The following NWD2 variants were observed in gnomAD, a reference collection of about 807,000 sequenced individuals.
NWD2 encodes the protein NACHT and WD repeat domain-containing protein 2.
A neutral mutation model predicts 132.7 loss-of-function variants in NWD2; 37 were observed. That is an observed-to-expected ratio of 0.28 (90% CI 0.21 to 0.37). NWD2 has a LOEUF of 0.37. NWD2 is among the 10% of genes least tolerant of loss of function. The pLI is 1.00. For synonymous variants in NWD2, 705 were observed against 803.0 expected (o/e 0.88, Z 2.06); for missense variants, 1,592 against 2,122.4 (o/e 0.75, Z 4.91).
intron 2 of NWD2, among the ~76,000 whole-genome samples, chr4:37,329,739 T>G (rs143726396): frequency 1.3e-5 from 2 of 152,216 alleles, no homozygotes; most frequent in African/African-American, 4.8e-5. Flanking sequence ...TTTATTGAGT[T>G]GGAAGGGAAA....
intron 3 of NWD2, among the ~76,000 whole-genome samples, chr4:37,415,702 TAA>T (rs10684720): frequency 1.1e-4 from 13 of 118,356 alleles, no homozygotes; most frequent in Admixed American, 8.7e-5. Context: ...AGACTCCGTC[TAA>T]AAAAAAAAAA....
chr4:37,267,217 TATC>T (rs1462510301), intron 1 of NWD2, among the ~76,000 whole-genome samples: 6 of 152,080 alleles, frequency 3.9e-5, no homozygotes, highest in African/African-American at 9.7e-5. Flanking sequence ...AATTAAAAAT[TATC>T]ATTGCAGAAT....
At chr4:37,245,298 A>G (rs1717213835) in intron 1 of NWD2, 80 bp downstream of exon 1, 4 of 1,411,540 alleles carry the variant, frequency 2.8e-6, no homozygotes, top group Non-Finnish European at 3.7e-6. Flanking sequence ...TGTCCGCCCC[A>G]CAGCCCGGTG....
At chr4:37,391,664 T>G (rs1720681146) in intron 3 of NWD2, among the ~76,000 whole-genome samples, 1 of 150,768 alleles carries the variant, frequency 6.6e-6, no homozygotes, top group Admixed American at 6.6e-5. Context: ...TTACTAGGAG[T>G]TTTTAGTGAT....
chr4:37,377,135 A>G (rs976251169), intron 3 of NWD2, among the ~76,000 whole-genome samples: 1 of 152,166 alleles, frequency 6.6e-6, no homozygotes, highest in African/African-American at 2.4e-5. Flanking sequence ...GACAGACTCA[A>G]TTATAGGCCA....
intron 1 of NWD2, among the ~76,000 whole-genome samples, chr4:37,315,631 T>G (rs551031083): frequency 2.6e-4 from 39 of 152,232 alleles, no homozygotes; most frequent in Non-Finnish European, 4.0e-4. Flanking sequence ...TGTTTTGTTA[T>G]CTAGCCTGGC....
intron 3 of NWD2, among the ~76,000 whole-genome samples, chr4:37,373,799 C>A (rs920186986): frequency 6.6e-6 from 1 of 152,162 alleles, no homozygotes. Context: ...CTGTATATTA[C>A]AAACATCAAG....
At chr4:37,256,911 G>A (rs1411410855) in intron 1 of NWD2, among the ~76,000 whole-genome samples, 1 of 152,114 alleles carries the variant, frequency 6.6e-6, no homozygotes, top group Non-Finnish European at 1.5e-5. Context: ...GAAATTTGGG[G>A]CTCTCTTATT....
At chr4:37,364,934 G>A (rs1386608260) in intron 3 of NWD2, among the ~76,000 whole-genome samples, 1 of 152,186 alleles carries the variant, frequency 6.6e-6, no homozygotes, top group Non-Finnish European at 1.5e-5. Context: ...TATTCAGCAA[G>A]TTTGTTTTTT....
At chr4:37,313,655 A>G (rs1215306780) in intron 1 of NWD2, among the ~76,000 whole-genome samples, 1 of 150,806 alleles carries the variant, frequency 6.6e-6, no homozygotes, top group Non-Finnish European at 1.5e-5. Flanking sequence ...AAGTTGAGGA[A>G]GTTCGTTTCT....
chr4:37,311,166 GTC>G (rs1431179566), intron 1 of NWD2, among the ~76,000 whole-genome samples: 2 of 152,090 alleles, frequency 1.3e-5, no homozygotes, highest in Non-Finnish European at 2.9e-5. Flanking sequence ...GGATGGCTGG[GTC>G]AAATGGTATT....
At chr4:37,259,975 A>G (rs930541733) in intron 1 of NWD2, among the ~76,000 whole-genome samples, 5 of 152,208 alleles carry the variant, frequency 3.3e-5, no homozygotes, top group African/African-American at 7.2e-5. Context: ...TGTTTGTACT[A>G]TGGTCTGGCT....
chr4:37,283,344 AG>A (rs1718166125), intron 1 of NWD2, among the ~76,000 whole-genome samples: 1 of 152,220 alleles, frequency 6.6e-6, no homozygotes, highest in Non-Finnish European at 1.5e-5. Context: ...AATTTCTGAA[AG>A]ATAGCACTTA....
intron 1 of NWD2, among the ~76,000 whole-genome samples, chr4:37,287,042 T>C (rs1036907605): frequency 3.9e-5 from 6 of 152,182 alleles, no homozygotes; most frequent in Non-Finnish European, 7.3e-5. Flanking sequence ...AATGTGGTAC[T>C]GTGGCCCACC....
Position 37,356,353 on chromosome 4 carries a change from C to T in NWD2, c.241-13C>T. 1 of 1,401,094 alleles carries T rather than the reference C, an allele frequency of 7.1e-7. No individual in the cohort carries two copies. Among genetic ancestry groups the T allele is most frequent in the Non-Finnish European group, 9.7e-7 (1 of 1,027,206 alleles). 86.8% of individuals were successfully genotyped at this position (1,401,094 alleles called of 1,614,324 possible). ...CACATGTAAACTAATGCTCTTCATC[C>T]ATCTGTCCCCAGGTCATAGATCTGT... is the stretch of plus-strand genomic sequence containing the variant. On this transcript the variant is annotated splice_polypyrimidine_tract_variant and intron_variant, in intron 2 of 6. Transcript: ENST00000309447.
intron 1 of NWD2, among the ~76,000 whole-genome samples, chr4:37,258,736 A>G (rs983521886): frequency 6.6e-6 from 1 of 152,130 alleles, no homozygotes; most frequent in Non-Finnish European, 1.5e-5. Context: ...GAAGAAGAGG[A>G]AATATGGGGC....
At chr4:37,407,968 G>A (rs1324344998) in intron 3 of NWD2, among the ~76,000 whole-genome samples, 4 of 152,172 alleles carry the variant, frequency 2.6e-5, no homozygotes, top group African/African-American at 4.8e-5. Context: ...GAAGCCATGA[G>A]GAACTGAGCC....
Position 37,447,609 on chromosome 4 carries a change from G to A in NWD2, c.*392G>A, listed in dbSNP as rs913932756. 5.0e-6 allele frequency: 1 copy of A among 199,502 alleles called. No homozygotes were observed. Among genetic ancestry groups the A allele is most frequent in the Admixed American group, 5.2e-5 (1 of 19,052 alleles). The allele number at this position is 199,502 out of a possible 1,614,324, so 12.4% of individuals were successfully genotyped here. A position where few individuals can be genotyped will look rare whatever the true frequency, so the allele number is the denominator to read the frequency against. On this transcript the variant is annotated 3_prime_UTR_variant, in exon 7 of 7. Coordinates refer to ENST00000309447, the MANE Select transcript of NWD2 (RefSeq NM_001144990.2). ...GCTGAAATCATGAAGACAAAGAGCT[G>A]CTTGACTTCAAATGATTGTGTGATA...
intron 1 of NWD2, among the ~76,000 whole-genome samples, chr4:37,289,514 C>G (rs1262948068): frequency 2.6e-5 from 4 of 152,170 alleles, no homozygotes; most frequent in Non-Finnish European, 5.9e-5. Context: ...GTGTTTATCT[C>G]TACATTCATA....
Sources: gnomAD v4.1 joint callset for allele counts (sites outside exome capture counted in the v4.1 genomes callset) on GRCh38, gnomAD v4.1.1 for gene constraint, MANE v1.5 for transcripts, NCBI Gene and HGNC (gene_info 2026-07-23, HGNC 2026-07-21) for gene names.